Variants in HHIPL1 observed in about 807,000 individuals in gnomAD.
HHIPL1 encodes the protein HHIP-like protein 1.
In HHIPL1, 43 loss-of-function variants were observed where a neutral mutation model predicts 61.8. The observed-to-expected ratio is 0.70, with a 90% CI of 0.55 to 0.90. HHIPL1 has a LOEUF of 0.90. Ranked by LOEUF, HHIPL1 falls within the 40% of genes least tolerant of loss-of-function variation. The pLI, the probability that HHIPL1 is intolerant of heterozygous loss-of-function variation, is 0.00. For synonymous variants in HHIPL1, 482 were observed against 515.8 expected, an observed-to-expected ratio of 0.93 and a Z score of 0.89; for missense variants, 1,056 against 1,157.7, an observed-to-expected ratio of 0.91 and a Z score of 1.28.
intron 5 of HHIPL1, among the ~76,000 whole-genome samples, chr14:99,662,424 C>T (rs763275490): frequency 1.3e-5 from 2 of 152,194 alleles, no homozygotes; most frequent in African/African-American, 2.4e-5. Context: ...CTCTTGAAAG[C>T]GCTGTGCCCT....
At chr14:99,648,224 AG>A (rs1362468584) in intron 1 of HHIPL1, among the ~76,000 whole-genome samples, 4 of 152,184 alleles carry the variant, frequency 2.6e-5, no homozygotes, top group African/African-American at 9.7e-5. Context: ...ACCTCAGGGA[AG>A]GCTTCCTGAA....
intron 1 of HHIPL1, among the ~76,000 whole-genome samples, chr14:99,647,150 T>G (rs1334096173): frequency 6.6e-6 from 1 of 151,978 alleles, no homozygotes; most frequent in African/African-American, 2.4e-5. Context: ...AGCTCATATC[T>G]TAGGTGGGAA....
At chr14:99,649,810 TAAAA>T (rs772210305) in intron 1 of HHIPL1, among the ~76,000 whole-genome samples, 2 of 151,928 alleles carry the variant, frequency 1.3e-5, no homozygotes, top group African/African-American at 2.4e-5. Context: ...AATAAACAAA[TAAAA>T]TAAAATAGTG....
rs1312851112 is a variant in HHIPL1 at position 99,675,259 on chromosome 14, T to C, written c.1982T>C (p.Leu661Pro). The C allele has an allele frequency of 3.2e-6, 4 of 1,240,128 alleles. No homozygotes were observed. The highest frequency in any genetic ancestry group is 1.6e-5 in the African/African-American group (1 of 63,812). 76.8% of individuals were successfully genotyped at this position (1,240,128 alleles called of 1,614,324 possible). ...GGCGGCGGGCGGCGGCGGGGGCGGC[T>C]GAACTCGGCGAGCCGGGCGTTCCGG... Reference protein sequence around the residue: ...RRGGGRRRGRLNSASRAFRDG... With the variant: ...RRGGGRRRGRPNSASRAFRDG... The change falls in exon 9 of 9, where the codon CTG (leucine) becomes CCG (proline). Residue 661 changes from leucine (L) to proline (P), a missense_variant. Leu to Pro is a moderately conservative substitution (Grantham distance 98, BLOSUM62 -3). Transcript: ENST00000330710. This position sits in a 1 kb window ranked among gnomAD's most constrained non-coding sequence, Gnocchi z 5.4.
the HHIPL1 span, among the ~76,000 whole-genome samples, chr14:99,637,691 A>C: frequency 6.6e-6 from 1 of 152,198 alleles, no homozygotes; most frequent in African/African-American, 2.4e-5. Context: ...CTTCAGGAGA[A>C]TGTTCCCTGA....
At chr14:99,608,480 G>A in the HHIPL1 span, among the ~76,000 whole-genome samples, 1 of 152,146 alleles carries the variant, frequency 6.6e-6, no homozygotes. Flanking sequence ...TCAGCTCATT[G>A]GGCGTGAACT....
At chr14:99,657,313 C>T (rs1349611115) in intron 3 of HHIPL1, among the ~76,000 whole-genome samples, 170 bp downstream of exon 3, 1 of 152,098 alleles carries the variant, frequency 6.6e-6, no homozygotes, top group Non-Finnish European at 1.5e-5. Flanking sequence ...AGTCACTTGC[C>T]CTCATCAGTT....
chr14:99,626,810 T>G, the HHIPL1 span, among the ~76,000 whole-genome samples: 1 of 152,206 alleles, frequency 6.6e-6, no homozygotes, highest in African/African-American at 2.4e-5. Flanking sequence ...AAGCTGGGCC[T>G]GCAGGCTCCT....
Position 99,675,135 on chromosome 14 carries a change from GC to G in HHIPL1, c.1859del (p.Ala620GlyfsTer42). ...GAGCACCCCGCGGCCTACAGCGCGG[GC>G]GCCCACGCGGGCGCCCCGCCGAGGG... ...TRSTPRPTAR[A>X]PTRAPRRGRP... On this transcript the variant is annotated frameshift_variant, in exon 9 of 9. Coordinates refer to ENST00000330710, the MANE Select transcript of HHIPL1 (RefSeq NM_001127258.3). LOFTEE classifies it low-confidence loss of function (END_TRUNC). This position sits in a 1 kb window ranked among gnomAD's most constrained non-coding sequence, Gnocchi z 5.4. The G allele has an allele frequency of 8.9e-7, 1 of 1,123,694 alleles. No homozygotes were observed. The highest frequency in any genetic ancestry group is 3.4e-5 in the South Asian group (1 of 29,102). The allele number at this position is 1,123,694 out of a possible 1,614,324, so 69.6% of individuals were successfully genotyped here.
chr14:99,620,135 CT>C, the HHIPL1 span, among the ~76,000 whole-genome samples: 1 of 152,206 alleles, frequency 6.6e-6, no homozygotes, highest in Non-Finnish European at 1.5e-5. Context: ...TCAATGCCAT[CT>C]TTCTTGGACC....
the HHIPL1 span, among the ~76,000 whole-genome samples, chr14:99,637,192 GAAA>G: frequency 2.1e-4 from 18 of 84,280 alleles, 1 homozygote; most frequent in African/African-American, 7.2e-4. Context: ...AAGAATGGAA[GAAA>G]GAAAGGAAGA....
rs567610197 is a variant in HHIPL1 at position 99,653,420 on chromosome 14, C to T, written c.902+550C>T. ...CAATCGCAGCTCACTGCAACCTCCG[C>T]CTCCCGGGTTCAAGCAAATCTCCTG... On this transcript the variant is annotated intron_variant, in intron 2 of 8. Transcript: ENST00000330710. 6.6e-5 allele frequency among the ~76,000 whole-genome samples: 10 copies of T among 152,294 alleles called. No homozygotes were observed. In the South Asian group the frequency reaches 2.1e-3, roughly 32 times the overall value.
chr14:99,659,843 C>G (rs2056117587), intron 4 of HHIPL1, 87 bp downstream of exon 4: 1 of 575,702 alleles, frequency 1.7e-6, no homozygotes, highest in Non-Finnish European at 2.4e-6. Flanking sequence ...CCTCGGAGAC[C>G]GCACCCCCCC....
chr14:99,611,476 G>A, the HHIPL1 span, among the ~76,000 whole-genome samples: 1 of 151,870 alleles, frequency 6.6e-6, no homozygotes, highest in African/African-American at 2.4e-5. Flanking sequence ...AGTAAAGACA[G>A]GGTTTCACCA....
chr14:99,663,104 G>T, intron 6 of HHIPL1, 83 bp downstream of exon 6: 1 of 1,346,356 alleles, frequency 7.4e-7, no homozygotes, highest in African/African-American at 1.5e-5. Context: ...GGTCTCTGAT[G>T]TAGGGGAAGG....
chr14:99,675,407 C>T lies in HHIPL1; in HGVS notation c.2130C>T (p.Ala710=), dbSNP rs1274989837. The change falls in exon 9 of 9, where the codon GCC becomes GCT. Residue 710 remains alanine, a synonymous_variant. Transcript: ENST00000330710. This position sits in a 1 kb window ranked among gnomAD's most constrained non-coding sequence, Gnocchi z 5.4. ...CDDSWNISGA[A]VVCRQLGFAY... Reference sequence around the variant, plus strand: ...ACTCCTGGAACATCAGCGGCGCCGCCGTCGTGTGTCGCCAGCTGGGGTTTG... The same window carrying T: ...ACTCCTGGAACATCAGCGGCGCCGCTGTCGTGTGTCGCCAGCTGGGGTTTG... 6.5e-7 allele frequency: 1 copy of T among 1,529,352 alleles called. No individual in the cohort carries two copies. 94.7% of individuals were successfully genotyped at this position (1,529,352 alleles called of 1,614,324 possible). A position where few individuals can be genotyped will look rare whatever the true frequency, so the allele number is the denominator to read the frequency against.
Position 99,660,140 on chromosome 14 carries a change from TG to T in HHIPL1, c.1376-139del. 10 of 752,588 alleles carry T rather than the reference TG, an allele frequency of 1.3e-5. No individual in the cohort carries two copies. Among genetic ancestry groups the T allele is most frequent in the South Asian group, 4.9e-5 (2 of 41,046 alleles). 46.6% of individuals were successfully genotyped at this position (752,588 alleles called of 1,614,324 possible). On this transcript the variant is annotated intron_variant, in intron 4 of 8. Transcript: ENST00000330710. This position sits in a 1 kb window ranked among gnomAD's most constrained non-coding sequence, Gnocchi z 4.9. ...ACGCTTTCCACCACGCCAGCCCTGC[TG>T]TGGGCACGCCAGCCCTGCTGTGGGC...
the HHIPL1 span, among the ~76,000 whole-genome samples, chr14:99,610,762 A>G: frequency 6.6e-6 from 1 of 151,782 alleles, no homozygotes; most frequent in African/African-American, 2.4e-5. Flanking sequence ...CTCCACCTCA[A>G]AAAAAAATAG....
At chr14:99,607,021 C>CTTT in the HHIPL1 span, among the ~76,000 whole-genome samples, 952 of 68,412 alleles carry the variant, frequency 0.014, 212 homozygotes, top group African/African-American at 0.056. Flanking sequence ...GTGACTTTGC[C>CTTT]TTTTTTTTTT....
Sources: gnomAD v4.1 joint callset for allele counts (sites outside exome capture counted in the v4.1 genomes callset) on GRCh38, gnomAD v4.1.1 for gene constraint, Gnocchi (gnomAD v3.1) non-coding constraint, MANE v1.5 for transcripts, NCBI Gene and HGNC (gene_info 2026-07-23, HGNC 2026-07-21) for gene names.